Variants in MBOAT2 observed in about 807,000 individuals in gnomAD.
The protein encoded by MBOAT2 is membrane bound glycerophospholipid O-acyltransferase 2, also known as membrane-bound glycerophospholipid O-acyltransferase 2.
A neutral mutation model predicts 63.4 loss-of-function variants in MBOAT2; 28 were observed. That is an observed-to-expected ratio of 0.44 (90% CI 0.33 to 0.61). The LOEUF is 0.61. Among genes scored for constraint, MBOAT2 ranks in the 20% least tolerant of loss-of-function variants. The pLI is 0.03. For missense variants in MBOAT2, 470 were observed against 605.8 expected, an observed-to-expected ratio of 0.78 and a Z score of 2.35; for synonymous variants, 211 against 215.6, an observed-to-expected ratio of 0.98 and a Z score of 0.19.
intron 4 of MBOAT2, among the ~76,000 whole-genome samples, chr2:8,905,770 G>A (rs1211280842): frequency 3.9e-5 from 6 of 152,094 alleles, no homozygotes; most frequent in Admixed American, 2.0e-4. Flanking sequence ...AAACCTGCAC[G>A]TTGTGCACAT....
chr2:8,943,324 G>T, intron 2 of MBOAT2, 60 bp from the exon 3 acceptor site: 1 of 1,053,982 alleles, frequency 9.5e-7, no homozygotes, highest in Non-Finnish European at 1.4e-6. Context: ...TCAAGCTGAA[G>T]TGAATTAAGC....
intron 1 of MBOAT2, among the ~76,000 whole-genome samples, chr2:8,992,386 C>T (rs1671971225): frequency 6.6e-6 from 1 of 152,206 alleles, no homozygotes; most frequent in South Asian, 2.1e-4. Context: ...ATCCTCCTGC[C>T]TTGGCCTCCC....
At chr2:8,963,243 A>G (rs907147366) in intron 1 of MBOAT2, among the ~76,000 whole-genome samples, 8 of 151,966 alleles carry the variant, frequency 5.3e-5, no homozygotes, top group African/African-American at 1.9e-4. Context: ...GTCTCAAAAA[A>G]AAAAAATTGA....
intron 4 of MBOAT2, among the ~76,000 whole-genome samples, chr2:8,905,409 T>A (rs1665254288): frequency 1.3e-5 from 2 of 152,270 alleles, no homozygotes; most frequent in South Asian, 4.1e-4. Flanking sequence ...TTCAGCTAAT[T>A]CGACTATCTA....
At chr2:8,873,326 T>C (rs1662474153) in intron 7 of MBOAT2, 26 bp from the exon 8 acceptor site, 2 of 1,603,078 alleles carry the variant, frequency 1.2e-6, no homozygotes, top group Non-Finnish European at 1.7e-6. Flanking sequence ...CGAGACTTCA[T>C]CAACTTTATC....
At chr2:8,959,017 G>T (rs1425270003) in intron 1 of MBOAT2, among the ~76,000 whole-genome samples, 1 of 152,200 alleles carries the variant, frequency 6.6e-6, no homozygotes, top group Non-Finnish European at 1.5e-5. Flanking sequence ...CCTGTAACCC[G>T]TGAAAAAGAG....
rs527265671 is a variant in MBOAT2, at chr2:8,994,608, G to A, written c.75+8932C>T. 6.3e-4 allele frequency among the ~76,000 whole-genome samples: 96 copies of A among 152,334 alleles called. 2 individuals carry two copies. The highest frequency in any genetic ancestry group is 7.3e-5 in the Non-Finnish European group (5 of 68,034). ...GCCTCATGACATAAATGCTGCATGG[G>A]ATGCGAGACAGCTGTGTGAAGAGGT... On this transcript the variant is annotated intron_variant, in intron 1 of 12. Transcript: ENST00000305997.
chr2:8,948,534 T>A (rs1417593017), intron 2 of MBOAT2, among the ~76,000 whole-genome samples: 1 of 152,182 alleles, frequency 6.6e-6, no homozygotes, highest in Admixed American at 6.5e-5. Context: ...ACTGCTGCCA[T>A]CTTTATGTCC....
At chr2:8,870,021 C>T (rs1223572303) in intron 8 of MBOAT2, among the ~76,000 whole-genome samples, 2 of 152,120 alleles carry the variant, frequency 1.3e-5, no homozygotes, top group Admixed American at 6.6e-5. Context: ...TGTTCCCCTG[C>T]CCCCCAGTCT....
At chr2:8,981,839 T>C (rs1671214414) in intron 1 of MBOAT2, among the ~76,000 whole-genome samples, 2 of 152,188 alleles carry the variant, frequency 1.3e-5, no homozygotes, top group Non-Finnish European at 2.9e-5. Context: ...ACTATTTCCA[T>C]ATTTAACTGA....
chr2:8,884,074 AAG>A (rs1476721570), intron 5 of MBOAT2, among the ~76,000 whole-genome samples: 1 of 150,124 alleles, frequency 6.7e-6, no homozygotes. Context: ...AAAAAAAAAA[AAG>A]AAAAAAAAAA....
intron 1 of MBOAT2, among the ~76,000 whole-genome samples, chr2:8,970,336 C>G (rs1033608979): frequency 3.9e-5 from 6 of 152,098 alleles, no homozygotes; most frequent in African/African-American, 1.4e-4. Context: ...AACAAAGACA[C>G]AACATACCAG....
chr2:8,927,698 G>A (rs533783487), intron 3 of MBOAT2, among the ~76,000 whole-genome samples: 2 of 152,246 alleles, frequency 1.3e-5, no homozygotes, highest in South Asian at 4.2e-4. Flanking sequence ...GCACAGCCAG[G>A]AGAACTGGGG....
chr2:8,954,955 G>A (rs531058364), intron 2 of MBOAT2, among the ~76,000 whole-genome samples: 11 of 152,326 alleles, frequency 7.2e-5, no homozygotes, highest in African/African-American at 2.2e-4. Context: ...GTTCCAGGTC[G>A]CCAAGCTGGC....
rs542330859 is a variant in MBOAT2, at chr2:8,998,288, G to GTA, written c.75+5251_75+5252insTA. 1.8e-4 allele frequency among the ~76,000 whole-genome samples: 27 copies of GTA among 152,352 alleles called. No individual in the cohort carries two copies. In the South Asian group the frequency reaches 4.6e-3, roughly 26 times the overall value. On this transcript the variant is annotated intron_variant, in intron 1 of 12. Transcript: ENST00000305997. ...GGGTTTTCAGTGTTCTCATGATGAA[G>GTA]ACTAATGCTCATTATGAGTGTAAAA...
At chr2:8,956,756 A>G (rs907021021) in intron 2 of MBOAT2, among the ~76,000 whole-genome samples, 1 of 152,194 alleles carries the variant, frequency 6.6e-6, no homozygotes, top group African/African-American at 2.4e-5. Context: ...ACTTCAGACT[A>G]CCTGACATTA....
intron 1 of MBOAT2, among the ~76,000 whole-genome samples, chr2:8,978,934 C>T (rs191160821): frequency 1.2e-3 from 180 of 152,162 alleles, no homozygotes; most frequent in Non-Finnish European, 2.0e-3. Flanking sequence ...TGGGTTTCCA[C>T]ACTCATGTGT....
intron 3 of MBOAT2, among the ~76,000 whole-genome samples, chr2:8,934,553 G>A (rs981410112): frequency 6.6e-6 from 1 of 152,092 alleles, no homozygotes; most frequent in African/African-American, 2.4e-5. Context: ...ACTCTTAGGA[G>A]GATAAGATAA....
chr2:8,895,581 A>T (rs1572988231), intron 4 of MBOAT2, among the ~76,000 whole-genome samples: 1 of 152,194 alleles, frequency 6.6e-6, no homozygotes, highest in South Asian at 2.1e-4. Context: ...TAGACAGAAA[A>T]GTGCTCCAAG....
Sources: gnomAD v4.1 joint callset for allele counts (sites outside exome capture counted in the v4.1 genomes callset) on GRCh38, gnomAD v4.1.1 for gene constraint, MANE v1.5 for transcripts, NCBI Gene and HGNC (gene_info 2026-07-23, HGNC 2026-07-21) for gene names.